The following SYN1 variants were observed in gnomAD, a reference collection of about 807,000 sequenced individuals.
SYN1 encodes synapsin-1.
Under a neutral mutation model 44.6 loss-of-function variants are expected in SYN1, and 8 were observed. The observed-to-expected ratio is 0.18, with a 90% CI of 0.11 to 0.32. SYN1 has a LOEUF of 0.32. Among genes scored for constraint, SYN1 ranks in the 10% least tolerant of loss-of-function variants. SYN1 has a pLI of 1.00. For synonymous variants in SYN1, 275 were observed against 280.1 expected, an observed-to-expected ratio of 0.98 and a Z score of 0.18; for missense variants, 451 against 639.4, an observed-to-expected ratio of 0.71 and a Z score of 3.18.
chrX:47,590,699 G>A (rs770117631), intron 5 of SYN1, among the ~76,000 whole-genome samples: 44 of 110,590 alleles, frequency 4.0e-4, no homozygotes, highest in Non-Finnish European at 5.9e-4. Context: ...GAAAGGATGC[G>A]ATGGGGCCTT....
At chrX:47,615,774 A>T (rs768915136) in intron 1 of SYN1, among the ~76,000 whole-genome samples, 4 of 111,262 alleles carry the variant, frequency 3.6e-5, no homozygotes, top group Non-Finnish European at 3.8e-5. Flanking sequence ...GCATAGTGGC[A>T]TGTGCCTGTA....
chrX:47,592,958 T>A (rs985057058), intron 5 of SYN1, among the ~76,000 whole-genome samples: 3 of 108,956 alleles, frequency 2.8e-5, no homozygotes, highest in Non-Finnish European at 5.7e-5. Context: ...CACTGCAGCC[T>A]CAAACTCCTG....
At chrX:47,575,745 G>A (rs962036901) in intron 9 of SYN1, among the ~76,000 whole-genome samples, 2 of 111,733 alleles carry the variant, frequency 1.8e-5, no homozygotes, top group Admixed American at 9.5e-5. Flanking sequence ...AATATGTACC[G>A]TCTGCTCCTT....
In SYN1 at chrX:47,573,992, G is replaced by T. The variant is rs752321936; in HGVS notation, c.1982+10C>A. 5 of 1,126,353 alleles carry T rather than the reference G, an allele frequency of 4.4e-6. No homozygotes were observed. The highest frequency in any genetic ancestry group is 5.8e-6 in the Non-Finnish European group (5 of 858,544). The allele number at this position is 1,126,353 out of a possible 1,213,427, so 92.8% of individuals were successfully genotyped here. A position where few individuals can be genotyped will look rare whatever the true frequency, so the allele number is the denominator to read the frequency against. ...CAGCAAGGCGAAGGCTGCTGTAGGG[G>T]TCCCCTTACTTGAGCTGGGGGTGCG... On this transcript the variant is annotated intron_variant, in intron 12 of 12. Coordinates refer to ENST00000295987, the MANE Select transcript of SYN1 (RefSeq NM_006950.3).
At chrX:47,585,394 C>T (rs1354777220) in intron 5 of SYN1, 2 of 1,202,956 alleles carry the variant, frequency 1.7e-6, no homozygotes, top group Admixed American at 2.2e-5. Context: ...GCCTAGCAAC[C>T]ACGAGGGGGC....
At chrX:47,573,604 A>G (rs1242180259) in intron 12 of SYN1, among the ~76,000 whole-genome samples, 1 of 110,654 alleles carries the variant, frequency 9.0e-6, no homozygotes, top group Non-Finnish European at 1.9e-5. Context: ...TAGGAGGACT[A>G]GGACTCGGGC....
intron 5 of SYN1, among the ~76,000 whole-genome samples, chrX:47,578,872 G>T (rs777441752): frequency 1.2e-3 from 135 of 111,378 alleles, no homozygotes; most frequent in African/African-American, 3.8e-3. Flanking sequence ...GCCTCCCTCT[G>T]CACACCCCCC....
At chrX:47,615,358 C>A (rs968854577) in intron 1 of SYN1, among the ~76,000 whole-genome samples, 13 of 111,315 alleles carry the variant, frequency 1.2e-4, no homozygotes, top group African/African-American at 4.2e-4. Context: ...TATTTCATTT[C>A]ATGAAGAAGA....
intron 5 of SYN1, among the ~76,000 whole-genome samples, chrX:47,595,929 G>A (rs915843526): frequency 8.9e-6 from 1 of 112,352 alleles, no homozygotes; most frequent in Non-Finnish European, 1.9e-5. Context: ...ATTGACCAAG[G>A]TTTACAATTC....
At chrX:47,589,749 G>A (rs1354378824) in intron 5 of SYN1, among the ~76,000 whole-genome samples, 1 of 111,341 alleles carries the variant, frequency 9.0e-6, no homozygotes. Flanking sequence ...ATAAAAAGAA[G>A]GCCTAACTCA....
At chrX:47,603,905 TA>T (rs1427990956) in intron 5 of SYN1, among the ~76,000 whole-genome samples, 75 of 83,036 alleles carry the variant, frequency 9.0e-4, no homozygotes, top group Non-Finnish European at 1.2e-3. Context: ...TATATATATA[TA>T]TTTTTTTTTT....
In SYN1 at chrX:47,619,607, C is replaced by A; in HGVS notation, c.122G>T (p.Gly41Val). Residue 41 changes from glycine (G) to valine (V), a missense_variant, in exon 1 of 13, where the codon GGA becomes GTA. Physicochemically the swap from Gly to Val is moderately radical, Grantham distance 109 (BLOSUM62 -3). This residue lies in a region of SYN1 where 315 missense variants were observed against 451.4 expected (regional missense o/e 0.70). Transcript: ENST00000295987. ...PPPPPGAHSP[G>V]ATPGPGTATA... Reference sequence around the variant, plus strand: ...GGCGGTCCCGGGACCGGGCGTGGCTCCGGGGCTGTGGGCACCGGGCGGCGG... The same window carrying A: ...GGCGGTCCCGGGACCGGGCGTGGCTACGGGGCTGTGGGCACCGGGCGGCGG... The A allele has an allele frequency of 1.7e-6, 2 of 1,160,084 alleles. No homozygotes were observed. The highest frequency in any genetic ancestry group is 2.3e-6 in the Non-Finnish European group (2 of 869,107).
rs10126776 is a variant in SYN1, at chrX:47,605,177, T to C, written c.684+46A>G. ...GACTGGTTTCAAGCTCCCACATACA[T>C]GCATGAGCTGTTCCCTCTGCCAGTG... On this transcript the variant is annotated intron_variant, in intron 4 of 12. Transcript: ENST00000295987. The C allele has an allele frequency of 7.4e-4, 897 of 1,204,290 alleles. 7 individuals are homozygous for C. In the African/African-American group the frequency reaches 0.014, roughly 18 times the overall value.
chrX:47,583,090 A>T, intron 5 of SYN1, among the ~76,000 whole-genome samples: 1 of 74,934 alleles, frequency 1.3e-5, no homozygotes, highest in Non-Finnish European at 2.6e-5. Context: ...TCACCCCCAA[A>T]CTCCTCAACC....
At chrX:47,591,264 A>G (rs2057846831) in intron 5 of SYN1, among the ~76,000 whole-genome samples, 1 of 112,535 alleles carries the variant, frequency 8.9e-6, no homozygotes, top group Non-Finnish European at 1.9e-5. Flanking sequence ...TACTCTTGTC[A>G]GAACTACATA....
At chrX:47,578,439 C>CCCA (rs1306697123) in intron 5 of SYN1, among the ~76,000 whole-genome samples, 3 of 111,577 alleles carry the variant, frequency 2.7e-5, no homozygotes, top group Non-Finnish European at 5.7e-5. Context: ...CCGTAAGAGA[C>CCCA]CCACGCCACA....
At chrX:47,582,741 A>G (rs1407046379) in intron 5 of SYN1, among the ~76,000 whole-genome samples, 2 of 78,157 alleles carry the variant, frequency 2.6e-5, no homozygotes, top group African/African-American at 1.0e-4. Flanking sequence ...TGCTTTCCAA[A>G]TCCCCCCGCA....
rs769567736 is a variant in SYN1, at chrX:47,589,413, G to A, written c.775-11912C>T. On this transcript the variant is annotated intron_variant, in intron 5 of 12. Coordinates refer to ENST00000295987, the MANE Select transcript of SYN1 (RefSeq NM_006950.3). ...TCGAGACCATCCTGGCTAACAAGGT[G>A]AAACCCTGTCTCTACTAAAAATACC... Among the ~76,000 whole-genome samples the A allele has an allele frequency of 5.6e-5, 6 of 107,050 alleles. No homozygotes were observed. The East Asian group carries it at 1.7e-3, about 31-fold the overall frequency. 93.0% of individuals were successfully genotyped at this position (107,050 alleles called of 115,157 possible).
intron 2 of SYN1, 24 bp from the exon 3 acceptor site, chrX:47,607,060 G>A: frequency 2.5e-6 from 3 of 1,207,755 alleles, no homozygotes; most frequent in Non-Finnish European, 3.4e-6. Flanking sequence ...AAAAACTGGT[G>A]ATTCACCTAC....
Sources: gnomAD v4.1 joint callset for allele counts (sites outside exome capture counted in the v4.1 genomes callset) on GRCh38, gnomAD v4.1.1 for gene constraint, gnomAD v4.1.1 regional missense constraint, MANE v1.5 for transcripts, NCBI Gene and HGNC (gene_info 2026-07-23, HGNC 2026-07-21) for gene names.